TMEM164: variants seen among roughly 807,000 people sequenced by gnomAD.
TMEM164 encodes the protein RP13-360B22.2.
In TMEM164, 4 loss-of-function variants were observed where a neutral mutation model predicts 18.8. The ratio of observed to expected loss-of-function variants is 0.21; its 90% CI spans 0.10 to 0.49. The LOEUF is 0.49. Ranked by LOEUF, TMEM164 falls within the 20% of genes least tolerant of loss-of-function variation. The pLI, the probability that TMEM164 is intolerant of heterozygous loss-of-function variation, is 0.98. For missense variants in TMEM164, 108 were observed against 239.9 expected, an observed-to-expected ratio of 0.45 and a Z score of 3.63; for synonymous variants, 86 against 101.7, an observed-to-expected ratio of 0.85 and a Z score of 0.93.
At chrX:110,064,847 A>G (rs776596617) in intron 2 of TMEM164, among the ~76,000 whole-genome samples, 1 of 108,876 alleles carries the variant, frequency 9.2e-6, no homozygotes, top group Non-Finnish European at 1.9e-5. Flanking sequence ...AAATAAAAAA[A>G]TTAGCCAGAT....
At chrX:110,065,561 T>C (rs1214699447) in intron 2 of TMEM164, 1 of 111,467 alleles carries the variant, frequency 9.0e-6, no homozygotes, top group Non-Finnish European at 1.9e-5. Flanking sequence ...GTAAAAAATA[T>C]TAGCTTTGTT....
At chrX:110,152,026 TTTC>T (rs1163860875) in intron 5 of TMEM164, among the ~76,000 whole-genome samples, 16 of 109,698 alleles carry the variant, frequency 1.5e-4, no homozygotes, top group Admixed American at 1.1e-3. Context: ...AAAATTTCTT[TTTC>T]TTCTTCTTTT....
chrX:110,168,482 T>C (rs903548389), intron 5 of TMEM164, among the ~76,000 whole-genome samples: 1 of 112,557 alleles, frequency 8.9e-6, no homozygotes, highest in African/African-American at 3.2e-5. Context: ...TGGCAGTGCG[T>C]GAGAGTTCAT....
chrX:110,128,249 CCTT>C (rs2066562705), intron 4 of TMEM164, among the ~76,000 whole-genome samples: 1 of 111,652 alleles, frequency 9.0e-6, no homozygotes, highest in African/African-American at 3.3e-5. Context: ...AGCCTCTGCT[CCTT>C]CAACATTTCA....
chrX:110,073,992 G>A (rs184613181), intron 3 of TMEM164, among the ~76,000 whole-genome samples: 45 of 110,366 alleles, frequency 4.1e-4, no homozygotes, highest in African/African-American at 1.3e-3. Context: ...ATTCTCCTGC[G>A]TCAGCCTCCC....
chrX:110,106,082 A>G (rs1037575848), intron 3 of TMEM164, among the ~76,000 whole-genome samples: 1 of 112,281 alleles, frequency 8.9e-6, no homozygotes, highest in African/African-American at 3.2e-5. Flanking sequence ...AATGTTTGTG[A>G]TTATTAATAT....
At chrX:110,093,406 G>A (rs1372974744) in intron 3 of TMEM164, among the ~76,000 whole-genome samples, 1 of 111,589 alleles carries the variant, frequency 9.0e-6, no homozygotes, top group African/African-American at 3.3e-5. Context: ...CTTCTTCCTG[G>A]TTTACTCTTG....
intron 3 of TMEM164, among the ~76,000 whole-genome samples, chrX:110,076,341 T>C (rs756082698): frequency 9.0e-6 from 1 of 111,244 alleles, no homozygotes; most frequent in South Asian, 3.7e-4. Context: ...TCATCTCTGA[T>C]TGTGGTTATT....
At chrX:110,016,197 G>T (rs914677074) in intron 2 of TMEM164, among the ~76,000 whole-genome samples, 4 of 112,856 alleles carry the variant, frequency 3.5e-5, no homozygotes, top group Non-Finnish European at 5.6e-5. Context: ...GGTCTGTCCT[G>T]AAAAACAATT....
intron 3 of TMEM164, among the ~76,000 whole-genome samples, chrX:110,072,537 T>G (rs893548492): frequency 1.8e-5 from 2 of 110,809 alleles, no homozygotes; most frequent in African/African-American, 3.3e-5. Context: ...GCATGTAGTA[T>G]CCTCTTATTT....
chrX:110,054,281 G>A (rs1020856433), intron 2 of TMEM164, among the ~76,000 whole-genome samples: 2 of 112,187 alleles, frequency 1.8e-5, no homozygotes, highest in African/African-American at 6.5e-5. Context: ...CACCTAGTAA[G>A]CACTCAGTAA....
At chrX:110,154,580 C>T (rs780658448) in intron 5 of TMEM164, among the ~76,000 whole-genome samples, 49 of 111,319 alleles carry the variant, frequency 4.4e-4, no homozygotes, top group African/African-American at 1.5e-3. Flanking sequence ...CTGCCACGCC[C>T]GGCTAGTTTT....
intron 2 of TMEM164, among the ~76,000 whole-genome samples, chrX:110,054,105 C>G (rs147225040): frequency 1.2e-4 from 13 of 112,069 alleles, no homozygotes; most frequent in African/African-American, 4.2e-4. Context: ...AGGCCTGACT[C>G]TTTGACTCAC....
At chrX:110,152,206 C>T (rs1365616811) in intron 5 of TMEM164, among the ~76,000 whole-genome samples, 5 of 109,299 alleles carry the variant, frequency 4.6e-5, no homozygotes, top group Non-Finnish European at 9.5e-5. Context: ...TAGGCACGTG[C>T]CACCACGCCC....
intron 4 of TMEM164, among the ~76,000 whole-genome samples, chrX:110,133,383 T>C (rs2066640208): frequency 8.9e-6 from 1 of 111,812 alleles, no homozygotes; most frequent in Admixed American, 9.5e-5. Context: ...ACTCCTGACC[T>C]CAGGTGATCC....
chrX:110,021,730 G>C (rs1319628735), intron 2 of TMEM164, among the ~76,000 whole-genome samples: 1 of 112,225 alleles, frequency 8.9e-6, no homozygotes, highest in Non-Finnish European at 1.9e-5. Flanking sequence ...ACATGTAATG[G>C]TTGGGGACTA....
At chrX:110,184,071 G>A (rs1164205755), downstream of TMEM164, among the ~76,000 whole-genome samples, 1 of 111,002 alleles carries the variant, frequency 9.0e-6, no homozygotes, top group Admixed American at 9.7e-5. Flanking sequence ...TGATAATGAT[G>A]TATCAGTGTA....
intron 4 of TMEM164, among the ~76,000 whole-genome samples, chrX:110,136,718 C>T (rs1472105857): frequency 9.0e-6 from 1 of 111,199 alleles, no homozygotes; most frequent in Non-Finnish European, 1.9e-5. Context: ...CTCCTGGGAT[C>T]CCAAAGCTAA....
At chrX:110,019,236 C>T (rs1393597454) in intron 2 of TMEM164, among the ~76,000 whole-genome samples, 2 of 111,280 alleles carry the variant, frequency 1.8e-5, no homozygotes, top group African/African-American at 6.5e-5. Context: ...ACAATCCATC[C>T]AGTGACCCAG....
Sources: allele counts gnomAD v4.1 joint callset (sites outside exome capture counted in the v4.1 genomes callset), GRCh38; gene constraint gnomAD v4.1.1; transcripts MANE v1.5; gene names NCBI Gene and HGNC (gene_info 2026-07-23, HGNC 2026-07-21).